PCCA: variants seen among roughly 807,000 people sequenced by gnomAD.
PCCA encodes the protein propionyl-CoA carboxylase subunit alpha, also known as propionyl-CoA carboxylase alpha chain, mitochondrial.
Under a neutral mutation model 101.3 loss-of-function variants are expected in PCCA, and 74 were observed. The ratio of observed to expected loss-of-function variants is 0.73; its 90% CI spans 0.61 to 0.89. The LOEUF (loss-of-function observed/expected upper bound fraction) is 0.89. Ranked by LOEUF, PCCA falls within the 40% of genes least tolerant of loss-of-function variation. The probability of loss-of-function intolerance (pLI) is 0.00; values close to 1 mark genes in which losing one functional copy is unlikely to be tolerated. For missense variants in PCCA, 891 were observed against 907.0 expected, an observed-to-expected ratio of 0.98 and a Z score of 0.23; for synonymous variants, 294 against 313.6, an observed-to-expected ratio of 0.94 and a Z score of 0.66.
At chr13:100,286,945 A>G (rs2064725211) in intron 12 of PCCA, among the ~76,000 whole-genome samples, 1 of 152,106 alleles carries the variant, frequency 6.6e-6, no homozygotes, top group Admixed American at 6.5e-5. Context: ...TGACATACTT[A>G]GGCTTTCTGT....
At chr13:100,462,576 A>G (rs1040431328) in intron 21 of PCCA, among the ~76,000 whole-genome samples, 3 of 152,218 alleles carry the variant, frequency 2.0e-5, no homozygotes, top group Non-Finnish European at 4.4e-5. Context: ...ATTGATAAAC[A>G]GTACAGTCCA....
At chr13:100,448,062 A>T (rs2080965874) in intron 20 of PCCA, among the ~76,000 whole-genome samples, 1 of 152,236 alleles carries the variant, frequency 6.6e-6, no homozygotes, top group African/African-American at 2.4e-5. Flanking sequence ...TAAAAAAATG[A>T]TGCTGGCTTA....
At chr13:100,404,099 A>C (rs1416811379) in intron 19 of PCCA, among the ~76,000 whole-genome samples, 1 of 152,242 alleles carries the variant, frequency 6.6e-6, no homozygotes, top group Non-Finnish European at 1.5e-5. Flanking sequence ...CCGTTGTCAG[A>C]GTCTCCAGTT....
In PCCA at chr13:100,188,334, A is replaced by AAC. The variant is rs1555372004; in HGVS notation, c.469-20997_469-20996insCA. Among the ~76,000 whole-genome samples, 140 of 124,098 alleles carry AAC rather than the reference A, an allele frequency of 1.1e-3. 4 individuals carry two copies. In the South Asian group the frequency reaches 0.031, roughly 28 times the overall value. The allele number at this position is 124,098 out of a possible 152,430, so 81.4% of individuals were successfully genotyped here. A position where few individuals can be genotyped will look rare whatever the true frequency, so the allele number is the denominator to read the frequency against. The stretch of plus-strand genomic sequence containing the variant: ...CAAAACAAAACAAAACAAAAACACA[A>AAC]AGAAAGAAAGAAAGAATAATGAATT... On this transcript the variant is annotated intron_variant, in intron 6 of 23. Coordinates refer to ENST00000376285, the MANE Select transcript of PCCA (RefSeq NM_000282.4).
chr13:100,513,968 A>G (rs1228177264), intron 21 of PCCA, among the ~76,000 whole-genome samples: 1 of 152,158 alleles, frequency 6.6e-6, no homozygotes, highest in Non-Finnish European at 1.5e-5. Context: ...ACCTTCCCCC[A>G]TTGATTTAAT....
At chr13:100,381,209 C>G (rs999802497) in intron 19 of PCCA, among the ~76,000 whole-genome samples, 2 of 152,070 alleles carry the variant, frequency 1.3e-5, no homozygotes, top group African/African-American at 4.8e-5. Context: ...ACAGTGAAAC[C>G]CCGTCTCTAC....
intron 1 of PCCA, among the ~76,000 whole-genome samples, chr13:100,098,295 T>TA (rs2046960808): frequency 6.6e-6 from 1 of 152,236 alleles, no homozygotes; most frequent in Non-Finnish European, 1.5e-5. Context: ...TATGTAAATG[T>TA]AAAAATTCAC....
chr13:100,404,973 C>T (rs898791529), intron 19 of PCCA, among the ~76,000 whole-genome samples: 4 of 152,126 alleles, frequency 2.6e-5, no homozygotes, highest in Non-Finnish European at 2.9e-5. Context: ...GGCTTTGACC[C>T]GAAGCTTGGA....
chr13:100,446,071 G>A (rs1215138692), intron 20 of PCCA, among the ~76,000 whole-genome samples: 1 of 151,826 alleles, frequency 6.6e-6, no homozygotes. Flanking sequence ...ACAGAGTCAC[G>A]CTGTGGTGCC....
At chr13:100,502,079 C>G (rs1264865016) in intron 21 of PCCA, among the ~76,000 whole-genome samples, 2 of 152,100 alleles carry the variant, frequency 1.3e-5, no homozygotes, top group Non-Finnish European at 2.9e-5. Context: ...CAAAGAACCA[C>G]TGACTATAAT....
At chr13:100,305,140 A>G (rs1233186400) in intron 14 of PCCA, among the ~76,000 whole-genome samples, 1 of 152,218 alleles carries the variant, frequency 6.6e-6, no homozygotes. Flanking sequence ...AGTAAATTAT[A>G]AAGCAGAGTT....
intron 20 of PCCA, among the ~76,000 whole-genome samples, chr13:100,440,234 A>C (rs1297268469): frequency 7.1e-6 from 1 of 141,462 alleles, no homozygotes; most frequent in Non-Finnish European, 1.5e-5. Context: ...TAAAATGCCC[A>C]GTGGGCCTAT....
chr13:100,184,243 T>C (rs1226942134), intron 6 of PCCA, among the ~76,000 whole-genome samples: 2 of 152,194 alleles, frequency 1.3e-5, no homozygotes, highest in African/African-American at 4.8e-5. Context: ...TCTCCTCTGC[T>C]GAAATACAGC....
chr13:100,089,670 G>C (rs569211596), intron 1 of PCCA, among the ~76,000 whole-genome samples: 3 of 152,350 alleles, frequency 2.0e-5, no homozygotes, highest in African/African-American at 7.2e-5. Flanking sequence ...CTTAAGTAGT[G>C]TTAGGGTTGT....
At chr13:100,266,976 T>C (rs985984768) in intron 10 of PCCA, among the ~76,000 whole-genome samples, 2 of 152,240 alleles carry the variant, frequency 1.3e-5, no homozygotes, top group African/African-American at 4.8e-5. Flanking sequence ...TTATAATGTT[T>C]TCTGATTACA....
chr13:100,322,077 G>A (rs752307417), intron 16 of PCCA, among the ~76,000 whole-genome samples: 3 of 152,142 alleles, frequency 2.0e-5, no homozygotes, highest in Non-Finnish European at 4.4e-5. Context: ...TAAGAGAGAC[G>A]TTTATTTACC....
chr13:100,370,074 CTTTTTTT>C (rs386380451), intron 19 of PCCA, among the ~76,000 whole-genome samples: 1 of 74,640 alleles, frequency 1.3e-5, no homozygotes, highest in Non-Finnish European at 2.3e-5. Context: ...GCTGTTACTT[CTTTTTTT>C]TTTTTTTTTT....
In PCCA at chr13:100,279,855, A is replaced by G. The variant is rs561565723; in HGVS notation, c.1065+6509A>G. On this transcript the variant is annotated intron_variant, in intron 12 of 23. Transcript: ENST00000376285. ...TATAATACTTAAGGCACATTCACCA[A>G]ATTCTTTATCTCCCAAGATATATGT... Among the ~76,000 whole-genome samples the G allele has an allele frequency of 2.0e-5, 3 of 152,138 alleles. No individual in the cohort carries two copies. In the East Asian group the frequency reaches 5.8e-4, roughly 29 times the overall value.
chr13:100,246,465 A>G (rs968488078), intron 8 of PCCA, among the ~76,000 whole-genome samples: 1 of 151,838 alleles, frequency 6.6e-6, no homozygotes, highest in Non-Finnish European at 1.5e-5. Flanking sequence ...ACATGCCACC[A>G]CTTTTGGCTA....
Sources: allele counts gnomAD v4.1 joint callset (sites outside exome capture counted in the v4.1 genomes callset), GRCh38; gene constraint gnomAD v4.1.1; transcripts MANE v1.5; gene names NCBI Gene and HGNC (gene_info 2026-07-23, HGNC 2026-07-21).